Variants in CDC14A observed in about 807,000 individuals in gnomAD.
CDC14A encodes dual specificity protein phosphatase CDC14A.
Under a neutral mutation model 74.4 loss-of-function variants are expected in CDC14A, and 53 were observed. That is an observed-to-expected ratio of 0.71 (90% confidence interval 0.57 to 0.89). The LOEUF (loss-of-function observed/expected upper bound fraction) is 0.89, where lower values mean the gene tolerates loss of function less well. Among genes scored for constraint, CDC14A ranks in the 40% least tolerant of loss-of-function variants. The pLI is 0.00. For missense variants in CDC14A, 646 were observed against 713.7 expected (o/e 0.91, Z 1.08); for synonymous variants, 247 against 258.4 (o/e 0.96, Z 0.43).
Position 100,412,722 on chromosome 1 carries a change from ATTT to A in CDC14A, c.310-11498_310-11496del, listed in dbSNP as rs1334139293. On this transcript the variant is annotated intron_variant, in intron 4 of 15. Coordinates refer to ENST00000336454, the MANE Select transcript of CDC14A (RefSeq NM_003672.4). ...TATATATATATATATATATATATAT[ATTT>A]TATATATATATATTTTATATATATA... 4.8e-3 allele frequency among the ~76,000 whole-genome samples: 351 copies of A among 73,560 alleles called. 10 individuals carry two copies. The highest frequency in any genetic ancestry group is 0.032 in the African/African-American group (283 of 8,938). 48.3% of individuals were successfully genotyped at this position (73,560 alleles called of 152,430 possible). A position where few individuals can be genotyped will look rare whatever the true frequency, so the allele number is the denominator to read the frequency against.
intron 6 of CDC14A, among the ~76,000 whole-genome samples, chr1:100,442,174 T>G (rs1486808808): frequency 6.6e-6 from 1 of 150,498 alleles, no homozygotes; most frequent in Non-Finnish European, 1.5e-5. Flanking sequence ...TTTTAAATTG[T>G]AAGAGCAGTC....
At chr1:100,454,791 G>A (rs1304859616) in intron 7 of CDC14A, among the ~76,000 whole-genome samples, 2 of 152,154 alleles carry the variant, frequency 1.3e-5, no homozygotes, top group African/African-American at 2.4e-5. Context: ...ATTAGCTGGA[G>A]TGGAGGAGCA....
chr1:100,443,711 A>AT lies in CDC14A; in HGVS notation c.519+724dup, dbSNP rs915144385. On this transcript the variant is annotated intron_variant, in intron 7 of 15. Coordinates refer to ENST00000336454, the MANE Select transcript of CDC14A (RefSeq NM_003672.4). ...TTACTTAGTTCTAAAAGTTCACTGA[A>AT]TTTTTTTTTCCCCATGGCATCATTA... Among the ~76,000 whole-genome samples the AT allele has an allele frequency of 4.2e-4, 63 of 151,774 alleles. No homozygotes were observed. In the South Asian group the frequency reaches 5.6e-3, roughly 14 times the overall value.
At chr1:100,513,886 T>C (rs946773365) in intron 15 of CDC14A, among the ~76,000 whole-genome samples, 1 of 152,190 alleles carries the variant, frequency 6.6e-6, no homozygotes, top group Non-Finnish European at 1.5e-5. Flanking sequence ...GACTTCTTGA[T>C]GGAAGCTTAT....
At chr1:100,515,489 T>C (rs1252681149) in intron 15 of CDC14A, among the ~76,000 whole-genome samples, 1 of 151,854 alleles carries the variant, frequency 6.6e-6, no homozygotes. Context: ...GTTCAAGTGA[T>C]TCTCCTGCCT....
rs565200566 is a variant in CDC14A, at chr1:100,445,052, A to G, written c.519+2056A>G. Reference sequence around the variant, plus strand: ...GTACTTATAAGAAAGAAGGTCAGATAACTTGTAGTACATCTGAATCACTGA... The same window carrying G: ...GTACTTATAAGAAAGAAGGTCAGATGACTTGTAGTACATCTGAATCACTGA... On this transcript the variant is annotated intron_variant, in intron 7 of 15. Transcript: ENST00000336454. 6.6e-4 allele frequency among the ~76,000 whole-genome samples: 100 copies of G among 152,340 alleles called. 2 individuals are homozygous for G. The South Asian group carries it at 0.021, about 32-fold the overall frequency.
At chr1:100,498,897 T>G (rs1244536831) in intron 14 of CDC14A, 32 bp from the exon 15 acceptor site, 1 of 1,585,578 alleles carries the variant, frequency 6.3e-7, no homozygotes, top group Admixed American at 1.8e-5. Context: ...TGTTGTCTGT[T>G]TTTTCCCTCC....
In CDC14A at chr1:100,411,235, C is replaced by T. The variant is rs556852068; in HGVS notation, c.310-12987C>T. Among the ~76,000 whole-genome samples the T allele has an allele frequency of 1.7e-4, 26 of 152,266 alleles. No individual in the cohort carries two copies. The South Asian group carries it at 2.9e-3, about 17-fold the overall frequency. On this transcript the variant is annotated intron_variant, in intron 4 of 15. Transcript: ENST00000336454. ...TACCTTCGCAGCCCTCAGCTTACTT[C>T]GACACCCATAGTGCAAGGGAACACT...
rs1431280253 is a variant in CDC14A at position 100,412,755 on chromosome 1, TTA to T, written c.310-11455_310-11454del. ...TATATATATTTTATATATATATATT[TTA>T]TATATATATATTATATATATATATA... On this transcript the variant is annotated intron_variant, in intron 4 of 15. Coordinates refer to ENST00000336454, the MANE Select transcript of CDC14A (RefSeq NM_003672.4). 5.1e-3 allele frequency among the ~76,000 whole-genome samples: 477 copies of T among 94,310 alleles called. 48 individuals are homozygous for T. The highest frequency in any genetic ancestry group is 0.029 in the African/African-American group (447 of 15,398). 61.9% of individuals were successfully genotyped at this position (94,310 alleles called of 152,430 possible). A position where few individuals can be genotyped will look rare whatever the true frequency, so the allele number is the denominator to read the frequency against.
At chr1:100,476,580 C>T (rs1668927881) in intron 10 of CDC14A, among the ~76,000 whole-genome samples, 1 of 150,792 alleles carries the variant, frequency 6.6e-6, no homozygotes, top group Admixed American at 6.6e-5. Flanking sequence ...TCCAACCAAT[C>T]TGCCTTTTTC....
intron 4 of CDC14A, among the ~76,000 whole-genome samples, chr1:100,405,001 C>G (rs1659763357): frequency 3.3e-5 from 5 of 152,180 alleles, no homozygotes; most frequent in Admixed American, 2.6e-4. Flanking sequence ...AGCAGACAGA[C>G]AAGCCTTTCC....
chr1:100,376,229 CAACATGGCACAT>C (rs1655242430), intron 2 of CDC14A, among the ~76,000 whole-genome samples: 1 of 151,914 alleles, frequency 6.6e-6, no homozygotes, highest in South Asian at 2.1e-4. Flanking sequence ...TGCAACACAC[CAACATGGCACAT>C]GTATACATAT....
At chr1:100,453,762 C>G (rs6691716) in intron 7 of CDC14A, among the ~76,000 whole-genome samples, 1,883 of 152,268 alleles carry the variant, frequency 0.012, 40 homozygotes, top group African/African-American at 0.043. Context: ...GCCTCAGCCT[C>G]CCAAGTAGCT....
chr1:100,434,743 T>C (rs572851112), intron 5 of CDC14A, among the ~76,000 whole-genome samples: 2 of 152,238 alleles, frequency 1.3e-5, no homozygotes, highest in Admixed American at 6.5e-5. Flanking sequence ...TTGTTTTTTT[T>C]TGGAGTGGGA....
At chr1:100,462,490 T>C (rs558799690) in intron 8 of CDC14A, 161 bp from the exon 9 acceptor site, 4 of 614,958 alleles carry the variant, frequency 6.5e-6, no homozygotes, top group African/African-American at 5.5e-5. Context: ...GTTATGCAGA[T>C]TGATGCTTGT....
In CDC14A at chr1:100,352,525, C is replaced by T. The variant is rs944978733; in HGVS notation, c.-430C>T. On this transcript the variant is annotated 5_prime_UTR_variant, in exon 1 of 16. Coordinates refer to ENST00000336454, the MANE Select transcript of CDC14A (RefSeq NM_003672.4). The stretch of plus-strand genomic sequence containing the variant: ...ATCCGGAGCAGCTGCTGCCAGCCCG[C>T]GGGCACTGAAGTCCTCCCGGCTGCC... 24 of 1,029,918 alleles carry T rather than the reference C, an allele frequency of 2.3e-5. No homozygotes were observed. In the African/African-American group the frequency reaches 4.0e-4, roughly 17 times the overall value. The allele number at this position is 1,029,918 out of a possible 1,614,324, so 63.8% of individuals were successfully genotyped here.
intron 7 of CDC14A, among the ~76,000 whole-genome samples, chr1:100,452,425 T>C (rs1666238229): frequency 1.3e-5 from 2 of 152,066 alleles, no homozygotes; most frequent in South Asian, 4.1e-4. Flanking sequence ...AGCAGGAGAA[T>C]TGCTTGAACC....
In CDC14A at chr1:100,488,272, T is replaced by G. The variant is rs1339867538; in HGVS notation, c.1137+3821T>G. Among the ~76,000 whole-genome samples the G allele has an allele frequency of 3.9e-5, 6 of 152,320 alleles. No individual in the cohort carries two copies. The East Asian group carries it at 1.2e-3, about 29-fold the overall frequency. The stretch of plus-strand genomic sequence containing the variant: ...TGACATTAATGAACTCTATTAATCC[T>G]TACAGTAGCCATATGAAATAGGCAC... On this transcript the variant is annotated intron_variant, in intron 11 of 15. Transcript: ENST00000336454.
At chr1:100,454,463 G>A (rs1224491635) in intron 7 of CDC14A, among the ~76,000 whole-genome samples, 1 of 152,030 alleles carries the variant, frequency 6.6e-6, no homozygotes, top group African/African-American at 2.4e-5. Flanking sequence ...CAAAATTTGG[G>A]GTAACCTTAC....
Sources: gnomAD v4.1 joint callset for allele counts (sites outside exome capture counted in the v4.1 genomes callset) on GRCh38, gnomAD v4.1.1 for gene constraint, MANE v1.5 for transcripts, NCBI Gene and HGNC (gene_info 2026-07-23, HGNC 2026-07-21) for gene names.